Variants in SNAPC2 observed in about 807,000 individuals in gnomAD.
SNAPC2 encodes the protein small nuclear RNA activating complex polypeptide 2, also known as snRNA-activating protein complex subunit 2.
In SNAPC2, 27 loss-of-function variants were observed where a neutral mutation model predicts 22.9. The ratio of observed to expected loss-of-function variants is 1.18; its 90% CI spans 0.87 to 1.63. SNAPC2 has a LOEUF of 1.63. Among genes scored for constraint, SNAPC2 ranks in the 40% most tolerant of loss-of-function variants. The pLI is 0.00. For missense variants in SNAPC2, 570 were observed against 449.1 expected (o/e 1.27, Z -2.43); for synonymous variants, 272 against 201.0 (o/e 1.35, Z -2.99).
In SNAPC2 at chr19:7,922,494, ACTC is replaced by A; in HGVS notation, c.738_740del (p.Leu247del). ...TCATGTCACTTCCAGAGGAGCTGCC[ACTC>A]CTGCCCTGCACAGCCCTGGTTGAGC... On this transcript the variant is annotated inframe_deletion, in exon 5 of 5. Transcript: ENST00000221573. 6.2e-7 allele frequency: 1 copy of A among 1,601,600 alleles called. No homozygotes were observed. Among genetic ancestry groups the A allele is most frequent in the Admixed American group, 1.7e-5 (1 of 58,740 alleles).
In SNAPC2 at chr19:7,922,077, T is replaced by TCCAAGCCCC; in HGVS notation, c.424_432dup (p.Pro142_Pro144dup). On this transcript the variant is annotated inframe_insertion, in exon 4 of 5. Coordinates refer to ENST00000221573, the MANE Select transcript of SNAPC2 (RefSeq NM_003083.4). ...CACGGAACCGGTCACCCTCCTGCAC[T>TCCAAGCCCC]CCAAGCCCCCCAAGCCCACGCAGGC... 1 of 1,613,434 alleles carries TCCAAGCCCC rather than the reference T, an allele frequency of 6.2e-7. No individual in the cohort carries two copies. The highest frequency in any genetic ancestry group is 1.1e-5 in the South Asian group (1 of 91,064).
rs1983568270 is a variant in SNAPC2 at position 7,921,452 on chromosome 19, C to T, written c.213C>T (p.Gly71=). The change falls in exon 2 of 5, where the codon GGC becomes GGT. Residue 71 remains glycine, a synonymous_variant. Transcript: ENST00000221573. ...EIRVFLQQLK[G]RVAREAIQKV... The stretch of plus-strand genomic sequence containing the variant: ...GGGTCTTCCTCCAGCAGCTCAAGGG[C>T]CGCGTAGCCCGGGAGGCCATTCAGA... 6.2e-7 allele frequency: 1 copy of T among 1,613,740 alleles called. No homozygotes were observed. The highest frequency in any genetic ancestry group is 1.7e-5 in the Admixed American group (1 of 59,978).
chr19:7,923,031 T>G lies in SNAPC2; in HGVS notation c.*267T>G. The G allele has an allele frequency of 2.3e-6, 1 of 429,444 alleles. No individual in the cohort carries two copies. 26.6% of individuals were successfully genotyped at this position (429,444 alleles called of 1,614,324 possible). A position where few individuals can be genotyped will look rare whatever the true frequency, so the allele number is the denominator to read the frequency against. On this transcript the variant is annotated 3_prime_UTR_variant, in exon 5 of 5. Coordinates refer to ENST00000221573, the MANE Select transcript of SNAPC2 (RefSeq NM_003083.4). ...GGCGGACAGGGCTGGCCTCCCCCAG[T>G]CCCCAAGCCCCACTGTGCCTTGTTG...
chr19:7,922,424 C>T, intron 4 of SNAPC2, 21 bp from the exon 5 acceptor site: 1 of 1,581,688 alleles, frequency 6.3e-7, no homozygotes, highest in Non-Finnish European at 8.6e-7. Flanking sequence ...CCCCTTACCC[C>T]TCTCCTCCAT....
At chr19:7,921,819 G>A in intron 3 of SNAPC2, 46 bp downstream of exon 3, 1 of 1,581,816 alleles carries the variant, frequency 6.3e-7, no homozygotes, top group Non-Finnish European at 8.7e-7. Context: ...AGAGGACAGG[G>A]TCACATGGGC....
At chr19:7,921,142 G>T in intron 1 of SNAPC2, 2 of 1,363,084 alleles carry the variant, frequency 1.5e-6, no homozygotes, top group African/African-American at 1.5e-5. Flanking sequence ...AGAGAAGAGG[G>T]GACGAAGAAG....
intron 1 of SNAPC2, chr19:7,921,195 C>T (rs770257031): frequency 4.2e-6 from 6 of 1,422,158 alleles, no homozygotes; most frequent in Admixed American, 2.9e-5. Context: ...TGGGCCCTGG[C>T]TGCGTGAAGG....
In SNAPC2 at chr19:7,920,592, G is replaced by GC. The variant is rs1432172785; in HGVS notation, c.183+44dup. The GC allele has an allele frequency of 1.0e-5, 11 of 1,102,308 alleles. No individual in the cohort carries two copies. The East Asian group carries it at 3.5e-4, about 35-fold the overall frequency. 68.3% of individuals were successfully genotyped at this position (1,102,308 alleles called of 1,614,324 possible). On this transcript the variant is annotated intron_variant, in intron 1 of 4. Coordinates refer to ENST00000221573, the MANE Select transcript of SNAPC2 (RefSeq NM_003083.4). Reference sequence around the variant, plus strand: ...GGACCGGAGCCAGGCTGGAGGCGGGGCTGGGGTGGGGCGGAGAGTGGGCGG... The same window carrying GC: ...GGACCGGAGCCAGGCTGGAGGCGGGGCCTGGGGTGGGGCGGAGAGTGGGCGG...
At chr19:7,920,676 T>TG (rs1365108490) in intron 1 of SNAPC2, 127 bp downstream of exon 1, 5 of 185,244 alleles carry the variant, frequency 2.7e-5, no homozygotes, top group South Asian at 1.2e-4. Context: ...GGGCGTGGCG[T>TG]GGGGCTGAGT....
At position 7,922,549 on chromosome 19, in the gene SNAPC2, A is replaced by G; in HGVS notation, c.790A>G (p.Thr264Ala). The G allele has an allele frequency of 6.2e-7, 1 of 1,613,042 alleles. No homozygotes were observed. The highest frequency in any genetic ancestry group is 8.5e-7 in the Non-Finnish European group (1 of 1,179,584). ...EHMTETYLRL[T>A]APQPIPAGGS... ...TATGACGGAGACGTACCTACGCCTGACAGCCCCCCAGCCCATTCCCGCTGG... is the reference window on the plus strand; with the variant it reads ...TATGACGGAGACGTACCTACGCCTGGCAGCCCCCCAGCCCATTCCCGCTGG... Residue 264 changes from threonine (T) to alanine (A), a missense_variant, in exon 5 of 5, where the codon ACA becomes GCA. Thr to Ala is a moderately conservative substitution (Grantham distance 58). Coordinates refer to ENST00000221573, the MANE Select transcript of SNAPC2 (RefSeq NM_003083.4).
rs1983612289 is a variant in SNAPC2, at chr19:7,922,394, C to T, written c.685+47C>T. ...GCAGGAGCAGAGGGATCAAGGGTCC[C>T]TGGCAGCAGGCAGGGGTGTCCCCTT... On this transcript the variant is annotated intron_variant, in intron 4 of 4. Transcript: ENST00000221573. 3 of 1,592,728 alleles carry T rather than the reference C, an allele frequency of 1.9e-6. No individual in the cohort carries two copies. In the East Asian group the frequency reaches 6.7e-5, roughly 36 times the overall value.
chr19:7,921,555 A>G lies in SNAPC2; in HGVS notation c.303+13A>G. On this transcript the variant is annotated intron_variant, in intron 2 of 4. Transcript: ENST00000221573. ...AGCCCCCATAGAGGTGAGGCAGATG[A>G]ACAGGGTGAGGCTGTCCAGGGCAGG... The G allele has an allele frequency of 1.2e-6, 2 of 1,610,506 alleles. No homozygotes were observed. The highest frequency in any genetic ancestry group is 1.7e-6 in the Non-Finnish European group (2 of 1,178,148).
intron 1 of SNAPC2, chr19:7,920,931 C>T: frequency 1.2e-6 from 1 of 847,378 alleles, no homozygotes; most frequent in Non-Finnish European, 1.3e-6. Flanking sequence ...GACTTAAGGG[C>T]GGGGCCGTTT....
At position 7,921,774 on chromosome 19, in the gene SNAPC2, G is replaced by A; in HGVS notation, c.372+1G>A. On this transcript the variant is annotated splice_donor_variant, in intron 3 of 4. Coordinates refer to ENST00000221573, the MANE Select transcript of SNAPC2 (RefSeq NM_003083.4). LOFTEE classifies it high-confidence loss of function. ...AGCCCTGGCAGTGGCTTTCTCGCAG[G>A]TACCGCCATTCCCCCAGGCAGGTCA... 6.2e-7 allele frequency: 1 copy of A among 1,612,248 alleles called. No individual in the cohort carries two copies. Among genetic ancestry groups the A allele is most frequent in the Non-Finnish European group, 8.5e-7 (1 of 1,179,016 alleles).
At position 7,922,007 on chromosome 19, in the gene SNAPC2, C is replaced by G. The variant is rs371353104; in HGVS notation, c.373-28C>G. On this transcript the variant is annotated intron_variant, in intron 3 of 4. Coordinates refer to ENST00000221573, the MANE Select transcript of SNAPC2 (RefSeq NM_003083.4). ...ACGGTGAGAAGACTTCCCAGCTCCT[C>G]TTCCTCCCTGATTGTTCTGCCTGCC... 6 of 1,588,314 alleles carry G rather than the reference C, an allele frequency of 3.8e-6. No homozygotes were observed. In the East Asian group the frequency reaches 9.0e-5, roughly 24 times the overall value.
At chr19:7,921,987 GAGA>G (rs1446974634) in intron 3 of SNAPC2, 45 bp from the exon 4 acceptor site, 3 of 1,562,672 alleles carry the variant, frequency 1.9e-6, no homozygotes, top group African/African-American at 1.4e-5. Context: ...TGTAGACGGT[GAGA>G]AGACTTCCCA....
intron 1 of SNAPC2, chr19:7,921,164 G>T: frequency 7.1e-7 from 1 of 1,408,496 alleles, no homozygotes; most frequent in Non-Finnish European, 9.2e-7. Context: ...GAGTTGAACG[G>T]GGTAGTAGTC....
chr19:7,920,545 C>T lies in SNAPC2; in HGVS notation c.179C>T (p.Ala60Val). 2 of 1,384,594 alleles carry T rather than the reference C, an allele frequency of 1.4e-6. No individual in the cohort carries two copies. Among genetic ancestry groups the T allele is most frequent in the Non-Finnish European group, 1.9e-6 (2 of 1,069,864 alleles). 85.8% of individuals were successfully genotyped at this position (1,384,594 alleles called of 1,614,324 possible). Residue 60 changes from alanine to valine, a missense_variant, in exon 1 of 5, where the codon GCT (alanine) becomes GTT (valine). Physicochemically the swap from Ala to Val is moderately conservative, Grantham distance 64. Coordinates refer to ENST00000221573, the MANE Select transcript of SNAPC2 (RefSeq NM_003083.4). The part of the protein sequence containing the change: ...LARELRGRSE[A>V]EIRVFLQQLK... The stretch of plus-strand genomic sequence containing the variant: ...CGGGAGCTGCGGGGCCGGAGCGAGG[C>T]TGAGGTGAGATGCGGTTCTCGGGAC...
rs1201822584 is a variant in SNAPC2 at position 7,923,122 on chromosome 19, T to G, written c.*358T>G. 1 of 240,786 alleles carries G rather than the reference T, an allele frequency of 4.2e-6. No individual in the cohort carries two copies. Among genetic ancestry groups the G allele is most frequent in the Admixed American group, 5.6e-5 (1 of 17,784 alleles). The allele number at this position is 240,786 out of a possible 1,614,324, so 14.9% of individuals were successfully genotyped here. On this transcript the variant is annotated 3_prime_UTR_variant, in exon 5 of 5. Coordinates refer to ENST00000221573, the MANE Select transcript of SNAPC2 (RefSeq NM_003083.4). ...CCCTCGCACATTTTCCCCCTTCCTG[T>G]ACACCTCGGGGCCAGCATCCTCACC...
Sources: allele counts gnomAD v4.1 joint callset, GRCh38; gene constraint gnomAD v4.1.1; transcripts MANE v1.5; gene names NCBI Gene and HGNC (gene_info 2026-07-23, HGNC 2026-07-21).